NCKAP5: variants seen among roughly 807,000 people sequenced by gnomAD.
NCKAP5 encodes the protein nck-associated protein 5.
In NCKAP5, 92 loss-of-function variants were observed where a neutral mutation model predicts 167.0. That is an observed-to-expected ratio of 0.55 (90% CI 0.47 to 0.66). The LOEUF is 0.66. NCKAP5 is among the 30% of genes least tolerant of loss of function. The pLI, the probability that NCKAP5 is intolerant of heterozygous loss-of-function variation, is 0.00. For synonymous variants in NCKAP5, 891 were observed against 877.4 expected, an observed-to-expected ratio of 1.02 and a Z score of -0.27; for missense variants, 2,378 against 2,315.0, an observed-to-expected ratio of 1.03 and a Z score of -0.56.
At chr2:132,749,813 G>A (rs1471898840) in intron 16 of NCKAP5, among the ~76,000 whole-genome samples, 1 of 152,134 alleles carries the variant, frequency 6.6e-6, no homozygotes, top group Non-Finnish European at 1.5e-5. Flanking sequence ...TGATAGGAAC[G>A]GAAATGGTTA....
rs141945080 is a variant in NCKAP5, at chr2:132,714,552, T to G, written c.5713+11075A>C. Among the ~76,000 whole-genome samples the G allele has an allele frequency of 2.2e-4, 34 of 152,118 alleles. 1 individual carries two copies. In the East Asian group the frequency reaches 3.9e-3, roughly 17 times the overall value. On this transcript the variant is annotated intron_variant, in intron 19 of 19. Transcript: ENST00000409261. Reference sequence around the variant, plus strand: ...TCACTTAATGGCCAGGCACAGTGGCTCATGCCTGTAATCCCAGCACTTTGG... The same window carrying G: ...TCACTTAATGGCCAGGCACAGTGGCGCATGCCTGTAATCCCAGCACTTTGG...
At chr2:133,071,303 G>A (rs962826554) in intron 6 of NCKAP5, among the ~76,000 whole-genome samples, 1 of 152,120 alleles carries the variant, frequency 6.6e-6, no homozygotes, top group Non-Finnish European at 1.5e-5. Flanking sequence ...AAATTAGCCG[G>A]GCGTAGTGGC....
intron 3 of NCKAP5, among the ~76,000 whole-genome samples, chr2:133,514,846 A>T (rs1683846349): frequency 6.6e-6 from 1 of 152,120 alleles, no homozygotes. Flanking sequence ...GCTCAGGAAG[A>T]GCAGATAACC....
intron 3 of NCKAP5, among the ~76,000 whole-genome samples, chr2:133,439,411 G>T (rs1690692358): frequency 6.6e-6 from 1 of 152,152 alleles, no homozygotes; most frequent in Non-Finnish European, 1.5e-5. Flanking sequence ...GCTTGAAAAA[G>T]ATGTCGGGGG....
chr2:132,804,149 G>A (rs757951074), intron 11 of NCKAP5, among the ~76,000 whole-genome samples: 10 of 152,188 alleles, frequency 6.6e-5, no homozygotes, highest in Middle Eastern at 3.2e-3. Context: ...AAAAAGGACA[G>A]AAGGTTAAGG....
chr2:133,240,733 C>G (rs1277213107), intron 4 of NCKAP5, among the ~76,000 whole-genome samples: 1 of 152,192 alleles, frequency 6.6e-6, no homozygotes, highest in East Asian at 1.9e-4. Flanking sequence ...CAGACCCAAG[C>G]TGGCATATGG....
intron 4 of NCKAP5, among the ~76,000 whole-genome samples, chr2:133,228,293 T>A (rs1199931546): frequency 6.6e-6 from 1 of 152,230 alleles, no homozygotes; most frequent in East Asian, 1.9e-4. Flanking sequence ...TATTTCTTAA[T>A]TAATCCTTAC....
At chr2:133,312,556 CAA>C (rs1056422592) in intron 3 of NCKAP5, among the ~76,000 whole-genome samples, 1 of 152,074 alleles carries the variant, frequency 6.6e-6, no homozygotes, top group Admixed American at 6.6e-5. Context: ...AGCCTAAAGA[CAA>C]GACACTGCCT....
chr2:133,257,048 G>A (rs999869847), intron 4 of NCKAP5, among the ~76,000 whole-genome samples: 1 of 152,186 alleles, frequency 6.6e-6, no homozygotes, highest in Non-Finnish European at 1.5e-5. Context: ...TTTATCTAAT[G>A]TAGACAGCCA....
At chr2:133,518,813 A>T (rs1684243615) in intron 2 of NCKAP5, among the ~76,000 whole-genome samples, 1 of 152,230 alleles carries the variant, frequency 6.6e-6, no homozygotes, top group Admixed American at 6.5e-5. Flanking sequence ...TGTAAGTTAT[A>T]ATTACCCACA....
At chr2:133,660,074 G>GT in the NCKAP5 span, among the ~76,000 whole-genome samples, 2 of 152,180 alleles carry the variant, frequency 1.3e-5, no homozygotes, top group Non-Finnish European at 2.9e-5. Context: ...ACATGCTTTT[G>GT]TAAGAATCCT....
At chr2:133,597,195 C>G in the NCKAP5 span, among the ~76,000 whole-genome samples, 6 of 152,180 alleles carry the variant, frequency 3.9e-5, no homozygotes, top group Non-Finnish European at 7.3e-5. Context: ...TGGGGTGAAA[C>G]AATGCATCTC....
At chr2:132,843,361 G>A (rs1212105093) in intron 11 of NCKAP5, among the ~76,000 whole-genome samples, 1 of 151,926 alleles carries the variant, frequency 6.6e-6, no homozygotes, top group Non-Finnish European at 1.5e-5. Context: ...TGCTTTGTAT[G>A]TTTAACTGCT....
At position 133,450,027 on chromosome 2, in the gene NCKAP5, C is replaced by T. The variant is rs564341993; in HGVS notation, c.69+67431G>A. 3.9e-5 allele frequency among the ~76,000 whole-genome samples: 6 copies of T among 152,066 alleles called. No homozygotes were observed. In the East Asian group the frequency reaches 1.2e-3, roughly 29 times the overall value. ...AGTTGCACAAGGCCTTGTTGCAAGGCAGCAAAGATGTACCTACCAGAAACA... is the reference window on the plus strand; with the variant it reads ...AGTTGCACAAGGCCTTGTTGCAAGGTAGCAAAGATGTACCTACCAGAAACA... On this transcript the variant is annotated intron_variant, in intron 3 of 19. Transcript: ENST00000409261.
intron 9 of NCKAP5, among the ~76,000 whole-genome samples, chr2:132,870,091 G>A (rs761330546): frequency 4.6e-5 from 7 of 152,112 alleles, no homozygotes; most frequent in Admixed American, 6.5e-5. Context: ...GTTTAGGAGT[G>A]GGCATATAAC....
chr2:133,377,714 C>T (rs542104078), intron 3 of NCKAP5, among the ~76,000 whole-genome samples: 5 of 152,290 alleles, frequency 3.3e-5, no homozygotes, highest in South Asian at 4.1e-4. Context: ...AGCAGTGTGA[C>T]ATTTAGAACA....
chr2:133,538,067 TA>T (rs1230898048), intron 2 of NCKAP5, among the ~76,000 whole-genome samples: 1 of 152,162 alleles, frequency 6.6e-6, no homozygotes, highest in Non-Finnish European at 1.5e-5. Context: ...TTCATTCCAT[TA>T]AAGGAATAAT....
the NCKAP5 span, among the ~76,000 whole-genome samples, chr2:133,674,535 C>T: frequency 2.6e-5 from 4 of 152,106 alleles, no homozygotes; most frequent in Admixed American, 6.6e-5. Flanking sequence ...TTCATGTCCT[C>T]CAGAAAAATC....
At chr2:132,917,758 G>A (rs1694999087) in intron 8 of NCKAP5, among the ~76,000 whole-genome samples, 1 of 152,120 alleles carries the variant, frequency 6.6e-6, no homozygotes, top group South Asian at 2.1e-4. Flanking sequence ...ACAGGCCTGT[G>A]ACTATGATTC....
Sources: allele counts gnomAD v4.1 joint callset (sites outside exome capture counted in the v4.1 genomes callset), GRCh38; gene constraint gnomAD v4.1.1; transcripts MANE v1.5; gene names NCBI Gene and HGNC (gene_info 2026-07-23, HGNC 2026-07-21).